APBA2: variants seen among roughly 807,000 people sequenced by gnomAD.
APBA2 encodes amyloid beta precursor protein binding family A member 2.
Under a neutral mutation model 75.0 loss-of-function variants are expected in APBA2, and 30 were observed. The observed-to-expected ratio is 0.40, with a 90% CI of 0.30 to 0.54. The LOEUF (loss-of-function observed/expected upper bound fraction) is 0.54, where lower values mean the gene tolerates loss of function less well. APBA2 is among the 20% of genes least tolerant of loss of function. The pLI is 0.49. For missense variants in APBA2, 801 were observed against 1,016.1 expected (o/e 0.79, Z 2.88); for synonymous variants, 444 against 409.6 (o/e 1.08, Z -1.01).
rs183845073 is a variant in APBA2, at chr15:29,078,756, T to G, written c.1069+2665T>G. On this transcript the variant is annotated intron_variant, in intron 6 of 14. Coordinates refer to ENST00000683413, the MANE Select transcript of APBA2 (RefSeq NM_001353788.2). ...CTTGTCACCTCATCGTCACACAGTG[T>G]GTGGGCAGCCCCAGCCATTGCTTCT... Among the ~76,000 whole-genome samples the G allele has an allele frequency of 4.4e-4, 67 of 152,176 alleles. No homozygotes were observed. In the East Asian group the frequency reaches 0.013, roughly 29 times the overall value.
At chr15:29,071,128 C>G (rs1488400878) in intron 4 of APBA2, 1 of 449,030 alleles carries the variant, frequency 2.2e-6, no homozygotes, top group African/African-American at 2.0e-5. Context: ...GGTGTTGTTT[C>G]ATCCAAAGCA....
intron 2 of APBA2, among the ~76,000 whole-genome samples, chr15:28,924,728 G>A (rs1261439904): frequency 6.6e-6 from 1 of 152,134 alleles, no homozygotes; most frequent in African/African-American, 2.4e-5. Flanking sequence ...AGTGTGTGTG[G>A]ATAGTGTTAG....
intron 2 of APBA2, among the ~76,000 whole-genome samples, chr15:28,951,528 C>T (rs192060725): frequency 9.3e-4 from 141 of 152,298 alleles, no homozygotes; most frequent in African/African-American, 3.3e-3. Context: ...GCAGACAGAG[C>T]TAGGAAATAT....
chr15:29,090,525 G>A (rs987778337), intron 6 of APBA2, among the ~76,000 whole-genome samples: 2 of 152,242 alleles, frequency 1.3e-5, no homozygotes, highest in African/African-American at 4.8e-5. Context: ...AGATTCCAAA[G>A]GGAGGGCTGG....
At chr15:28,917,121 C>T (rs894824664) in intron 1 of APBA2, among the ~76,000 whole-genome samples, 2 of 152,166 alleles carry the variant, frequency 1.3e-5, no homozygotes, top group Non-Finnish European at 2.9e-5. Context: ...AAGCCAGGGA[C>T]CCGGGCAAAG....
intron 13 of APBA2, among the ~76,000 whole-genome samples, chr15:29,113,030 T>C (rs2044823107): frequency 6.6e-6 from 1 of 152,162 alleles, no homozygotes; most frequent in African/African-American, 2.4e-5. Flanking sequence ...CACTTCAGAC[T>C]CTCCCTCCTC....
At chr15:28,995,105 T>C (rs2038443757) in intron 2 of APBA2, among the ~76,000 whole-genome samples, 1 of 152,172 alleles carries the variant, frequency 6.6e-6, no homozygotes, top group African/African-American at 2.4e-5. Flanking sequence ...TTGCCCTGAA[T>C]TCCTGATCCA....
intron 3 of APBA2, among the ~76,000 whole-genome samples, chr15:29,027,992 TTTTAA>T (rs1303627507): frequency 6.6e-6 from 1 of 152,134 alleles, no homozygotes; most frequent in Non-Finnish European, 1.5e-5. Flanking sequence ...TCGTTTTTTT[TTTTAA>T]TTTAATTTTT....
intron 1 of APBA2, among the ~76,000 whole-genome samples, chr15:28,905,158 G>A (rs1338957136): frequency 2.0e-5 from 3 of 152,140 alleles, no homozygotes; most frequent in Non-Finnish European, 4.4e-5. Flanking sequence ...GGAGCTGTTG[G>A]TTGCCCTAGG....
chr15:28,993,799 G>C (rs2038364696), intron 2 of APBA2, among the ~76,000 whole-genome samples: 1 of 152,190 alleles, frequency 6.6e-6, no homozygotes, highest in Non-Finnish European at 1.5e-5. Flanking sequence ...TCCTAGGGCT[G>C]GGAAACAGTC....
intron 4 of APBA2, among the ~76,000 whole-genome samples, chr15:29,062,982 G>A (rs1223057807): frequency 3.7e-5 from 5 of 135,046 alleles, no homozygotes; most frequent in South Asian, 2.9e-4. Flanking sequence ...TGGGTGGGGA[G>A]GGGAGTTGAT....
chr15:28,911,204 A>C (rs553037324), intron 1 of APBA2, among the ~76,000 whole-genome samples: 39 of 152,176 alleles, frequency 2.6e-4, no homozygotes, highest in African/African-American at 8.9e-4. Flanking sequence ...TGTTGCACTG[A>C]GCTGTGCTCT....
intron 11 of APBA2, among the ~76,000 whole-genome samples, chr15:29,106,112 G>A (rs2044389079): frequency 6.6e-6 from 1 of 152,252 alleles, no homozygotes; most frequent in Non-Finnish European, 1.5e-5. Context: ...GTTTCTTGCT[G>A]AAGACATTCC....
At chr15:29,081,135 G>T (rs996678274) in intron 6 of APBA2, among the ~76,000 whole-genome samples, 2 of 152,166 alleles carry the variant, frequency 1.3e-5, no homozygotes, top group Non-Finnish European at 2.9e-5. Context: ...TGCTTTGTTG[G>T]TTTCATACAG....
intron 4 of APBA2, among the ~76,000 whole-genome samples, chr15:29,063,975 C>A (rs1279360708): frequency 6.6e-6 from 1 of 152,074 alleles, no homozygotes; most frequent in Non-Finnish European, 1.5e-5. Flanking sequence ...GGTGCCCCCA[C>A]GCTGTCCCCT....
In APBA2 at chr15:29,105,519, C is replaced by G. The variant is rs74731330; in HGVS notation, c.1665C>G (p.Asp555Glu). 480 of 1,613,622 alleles carry G rather than the reference C, an allele frequency of 3.0e-4. 1 individual carries two copies. Among genetic ancestry groups the G allele is most frequent in the Non-Finnish European group, 6.8e-5 (80 of 1,180,034 alleles). ...TCAACACCCAGGAGATGTACAACGA[C>G]GACCTCATCCACTTCTCAAACTCGG... ...DIINTQEMYNDDLIHFSNSEN... is the reference protein window; with the variant it reads ...DIINTQEMYNEDLIHFSNSEN... The change falls in exon 11 of 15, where the codon GAC becomes GAG. Residue 555 changes from aspartate to glutamate, a missense_variant. Around this residue, in one of 2 missense-constraint regions of APBA2, gnomAD observed 367 missense variants for 544.5 expected, o/e 0.67. Coordinates refer to ENST00000683413, the MANE Select transcript of APBA2 (RefSeq NM_001353788.2).
At chr15:28,968,792 T>C (rs1235513087) in intron 2 of APBA2, among the ~76,000 whole-genome samples, 1 of 152,110 alleles carries the variant, frequency 6.6e-6, no homozygotes, top group African/African-American at 2.4e-5. Flanking sequence ...CCCAGCGTAC[T>C]TCCAAGAAGA....
At chr15:29,035,014 G>A (rs1017397297) in intron 3 of APBA2, among the ~76,000 whole-genome samples, 4 of 152,246 alleles carry the variant, frequency 2.6e-5, no homozygotes, top group African/African-American at 7.2e-5. Context: ...CTCCCGGGGA[G>A]GTCCTTCTTC....
At chr15:29,045,643 A>C (rs759738859) in intron 3 of APBA2, among the ~76,000 whole-genome samples, 34 of 152,306 alleles carry the variant, frequency 2.2e-4, no homozygotes, top group Non-Finnish European at 4.7e-4. Flanking sequence ...AGAGAACAAC[A>C]TGGATTTGTG....
Sources: gnomAD v4.1 joint callset for allele counts (sites outside exome capture counted in the v4.1 genomes callset) on GRCh38, gnomAD v4.1.1 for gene constraint, gnomAD v4.1.1 regional missense constraint, MANE v1.5 for transcripts, NCBI Gene and HGNC (gene_info 2026-07-23, HGNC 2026-07-21) for gene names.